The following ARHGAP28 variants were observed in gnomAD, a reference collection of about 807,000 sequenced individuals.
The protein encoded by ARHGAP28 is Rho GTPase activating protein 28.
ARHGAP28 carries 56 observed loss-of-function variants against 90.7 expected under a neutral mutation model. That is an observed-to-expected ratio of 0.62 (90% CI 0.50 to 0.77). The LOEUF (loss-of-function observed/expected upper bound fraction) is 0.77. ARHGAP28 is among the 30% of genes least tolerant of loss of function. The pLI, the probability that ARHGAP28 is intolerant of heterozygous loss-of-function variation, is 0.00. For synonymous variants in ARHGAP28, 308 were observed against 323.3 expected, an observed-to-expected ratio of 0.95 and a Z score of 0.51; for missense variants, 869 against 900.9, an observed-to-expected ratio of 0.96 and a Z score of 0.45.
chr18:6,890,608 A>T, intron 14 of ARHGAP28, 65 bp downstream of exon 14: 1 of 956,608 alleles, frequency 1.0e-6, no homozygotes, highest in Non-Finnish European at 1.6e-6. Flanking sequence ...AAAGGGGGGC[A>T]CAAAGTAGCT....
chr18:6,907,267 T>A (rs2057369077), intron 16 of ARHGAP28, among the ~76,000 whole-genome samples: 1 of 151,962 alleles, frequency 6.6e-6, no homozygotes, highest in Admixed American at 6.6e-5. Context: ...AAAAACTAAA[T>A]CTCCAACTGC....
chr18:6,894,459 C>T (rs886247613), intron 14 of ARHGAP28, among the ~76,000 whole-genome samples: 1 of 152,176 alleles, frequency 6.6e-6, no homozygotes, highest in Admixed American at 6.5e-5. Flanking sequence ...ACTGACTTAA[C>T]AAATCATGGG....
intron 1 of ARHGAP28, among the ~76,000 whole-genome samples, chr18:6,783,065 G>A (rs563132356): frequency 6.6e-6 from 1 of 152,234 alleles, no homozygotes; most frequent in African/African-American, 2.4e-5. Flanking sequence ...TTCTCCAAGA[G>A]AACCTGTTGA....
intron 1 of ARHGAP28, among the ~76,000 whole-genome samples, chr18:6,814,399 T>C (rs1033100995): frequency 6.6e-6 from 1 of 152,138 alleles, no homozygotes; most frequent in African/African-American, 2.4e-5. Flanking sequence ...TCTGCTATTA[T>C]TGAATTTTTG....
chr18:6,747,846 C>T (rs2056036353), intron 1 of ARHGAP28, among the ~76,000 whole-genome samples: 1 of 152,212 alleles, frequency 6.6e-6, no homozygotes, highest in Non-Finnish European at 1.5e-5. Flanking sequence ...CCCCCAGTGA[C>T]TCACACTTTC....
intron 1 of ARHGAP28, among the ~76,000 whole-genome samples, chr18:6,775,672 A>AGT (rs2056278023): frequency 3.3e-5 from 5 of 152,220 alleles, no homozygotes; most frequent in Admixed American, 3.3e-4. Flanking sequence ...TGATTACTAA[A>AGT]TAGGGAGACT....
intron 1 of ARHGAP28, among the ~76,000 whole-genome samples, chr18:6,769,646 C>T (rs2056226848): frequency 1.3e-5 from 2 of 152,190 alleles, no homozygotes; most frequent in Non-Finnish European, 2.9e-5. Context: ...CTATGTTGTG[C>T]CAAAGCCAGG....
intron 1 of ARHGAP28, among the ~76,000 whole-genome samples, chr18:6,749,298 C>T (rs2056049674): frequency 6.6e-6 from 1 of 152,072 alleles, no homozygotes; most frequent in Non-Finnish European, 1.5e-5. Flanking sequence ...AATGTAAAAG[C>T]CAGATATTAC....
chr18:6,833,577 G>A (rs1210380283), intron 2 of ARHGAP28, among the ~76,000 whole-genome samples: 1 of 152,082 alleles, frequency 6.6e-6, no homozygotes, highest in African/African-American at 2.4e-5. Flanking sequence ...GGGTTTGTCT[G>A]ATGTTTCCCA....
At chr18:6,778,811 C>T (rs1343342172) in intron 1 of ARHGAP28, 10 of 152,172 alleles carry the variant, frequency 6.6e-5, no homozygotes, top group Admixed American at 6.5e-4. Flanking sequence ...TTTTATCTGA[C>T]TTTCCTGAAT....
intron 1 of ARHGAP28, among the ~76,000 whole-genome samples, chr18:6,772,865 C>T (rs1191110259): frequency 3.3e-5 from 5 of 151,996 alleles, no homozygotes; most frequent in Non-Finnish European, 7.4e-5. Flanking sequence ...CTCAGCCTCC[C>T]GAGTAGCTGG....
intron 7 of ARHGAP28, among the ~76,000 whole-genome samples, chr18:6,870,947 C>G (rs140524455): frequency 3.3e-5 from 5 of 152,120 alleles, no homozygotes; most frequent in Admixed American, 3.3e-4. Context: ...ACTACAGGCA[C>G]CTGCCAACTT....
intron 1 of ARHGAP28, among the ~76,000 whole-genome samples, chr18:6,754,401 A>G (rs188083171): frequency 6.6e-6 from 1 of 152,302 alleles, no homozygotes; most frequent in Non-Finnish European, 1.5e-5. Context: ...CATAAGCAGG[A>G]TAAATTTAAA....
chr18:6,757,051 A>G (rs1198514183), intron 1 of ARHGAP28, among the ~76,000 whole-genome samples: 3 of 152,184 alleles, frequency 2.0e-5, no homozygotes, highest in African/African-American at 4.8e-5. Flanking sequence ...GCATCCTTCA[A>G]TCCTATCAAG....
chr18:6,730,126 C>G, intron 1 of ARHGAP28, 183 bp downstream of exon 1: 2 of 563,020 alleles, frequency 3.6e-6, no homozygotes, highest in Non-Finnish European at 5.3e-6. Context: ...GGGAAACGCT[C>G]GAAGGCTCCA....
intron 1 of ARHGAP28, among the ~76,000 whole-genome samples, chr18:6,743,197 A>T (rs1199128272): frequency 6.6e-6 from 1 of 152,224 alleles, no homozygotes; most frequent in Non-Finnish European, 1.5e-5. Flanking sequence ...GTCGAGAAAG[A>T]AATCTAGCAT....
At chr18:6,795,676 A>G (rs2056436820) in intron 1 of ARHGAP28, among the ~76,000 whole-genome samples, 1 of 152,194 alleles carries the variant, frequency 6.6e-6, no homozygotes, top group South Asian at 2.1e-4. Flanking sequence ...AGCCCGCAGC[A>G]GAAAGCCTGC....
rs529398747 is a variant in ARHGAP28 at position 6,799,274 on chromosome 18, A to G, written c.123-25488A>G. On this transcript the variant is annotated intron_variant, in intron 1 of 17. Coordinates refer to ENST00000383472, the MANE Select transcript of ARHGAP28 (RefSeq NM_001366230.1). ...ATGGAAAAACATTCCATGCTCTTAG[A>G]TAGGAAGAATCAGTATTGTGAAAAT... Among the ~76,000 whole-genome samples the G allele has an allele frequency of 2.2e-4, 34 of 152,242 alleles. 1 individual carries two copies. In the South Asian group the frequency reaches 4.4e-3, roughly 19 times the overall value.
intron 4 of ARHGAP28, among the ~76,000 whole-genome samples, chr18:6,853,329 A>T (rs1051357373): frequency 4.6e-5 from 7 of 152,132 alleles, no homozygotes; most frequent in African/African-American, 1.7e-4. Flanking sequence ...CACAGACCTT[A>T]AGTCTGATAA....
Sources: allele counts gnomAD v4.1 joint callset (sites outside exome capture counted in the v4.1 genomes callset), GRCh38; gene constraint gnomAD v4.1.1; transcripts MANE v1.5; gene names NCBI Gene and HGNC (gene_info 2026-07-23, HGNC 2026-07-21).